The following RBFOX1 variants were observed in gnomAD, a reference collection of about 807,000 sequenced individuals.
RBFOX1 encodes the protein RNA binding protein fox-1 homolog 1.
RBFOX1 carries 8 observed loss-of-function variants against 57.7 expected under a neutral mutation model. That is an observed-to-expected ratio of 0.14 (90% CI 0.08 to 0.25). The LOEUF is 0.25. Among genes scored for constraint, RBFOX1 ranks in the 10% least tolerant of loss-of-function variants. RBFOX1 has a pLI of 1.00. For synonymous variants in RBFOX1, 326 were observed against 222.4 expected, an observed-to-expected ratio of 1.47 and a Z score of -4.15; for missense variants, 611 against 548.5, an observed-to-expected ratio of 1.11 and a Z score of -1.14.
At chr16:5,351,101 C>G (rs2065252900) in intron 1 of RBFOX1, among the ~76,000 whole-genome samples, 1 of 152,146 alleles carries the variant, frequency 6.6e-6, no homozygotes, top group Non-Finnish European at 1.5e-5. Context: ...TAGGTCTAAG[C>G]CTTGTTAAGG....
chr16:6,181,956 G>A (rs1431182322), intron 1 of RBFOX1, among the ~76,000 whole-genome samples: 4 of 152,054 alleles, frequency 2.6e-5, no homozygotes, highest in Admixed American at 6.6e-5. Flanking sequence ...TGGCAATTAC[G>A]GAGGATGTTT....
At chr16:6,609,736 A>G (rs1032946187) in intron 2 of RBFOX1, among the ~76,000 whole-genome samples, 5 of 152,170 alleles carry the variant, frequency 3.3e-5, no homozygotes, top group African/African-American at 7.2e-5. Context: ...TGGGTCAGGC[A>G]TGGTGAATCA....
At chr16:6,291,619 C>G (rs906892532) in intron 1 of RBFOX1, among the ~76,000 whole-genome samples, 4 of 152,186 alleles carry the variant, frequency 2.6e-5, no homozygotes, top group Non-Finnish European at 5.9e-5. Flanking sequence ...CCGCCTGAGG[C>G]AAATGCATAT....
chr16:6,801,071 C>G (rs2085320102), intron 3 of RBFOX1, among the ~76,000 whole-genome samples: 1 of 151,850 alleles, frequency 6.6e-6, no homozygotes, highest in Non-Finnish European at 1.5e-5. Flanking sequence ...AGACGGAGGA[C>G]TTGTTAAAAG....
At chr16:6,056,842 C>CTTTTTTTT (rs61605263) in intron 1 of RBFOX1, 28 of 148,628 alleles carry the variant, frequency 1.9e-4, no homozygotes, top group Non-Finnish European at 2.1e-4. Flanking sequence ...AGACTTAAGA[C>CTTTTTTTT]TTTTTTTTTT....
At chr16:7,135,722 A>G (rs1042771583) in intron 4 of RBFOX1, among the ~76,000 whole-genome samples, 10 of 152,242 alleles carry the variant, frequency 6.6e-5, no homozygotes, top group East Asian at 1.9e-4. Flanking sequence ...AATTTTACCA[A>G]TTTAACCCTG....
intron 2 of RBFOX1, among the ~76,000 whole-genome samples, chr16:5,511,903 A>C (rs2043606345): frequency 6.6e-6 from 1 of 152,236 alleles, no homozygotes; most frequent in Non-Finnish European, 1.5e-5. Flanking sequence ...ATAAAGTACC[A>C]GATATTAAAG....
chr16:7,350,694 C>G (rs867930696), intron 4 of RBFOX1, among the ~76,000 whole-genome samples: 1 of 152,178 alleles, frequency 6.6e-6, no homozygotes. Context: ...ATATTTCATG[C>G]TGCCATTTCT....
intron 4 of RBFOX1, among the ~76,000 whole-genome samples, chr16:7,182,896 C>G (rs191457132): frequency 6.6e-6 from 1 of 152,172 alleles, no homozygotes; most frequent in African/African-American, 2.4e-5. Flanking sequence ...TCCCTGTTCA[C>G]AACAATTACA....
intron 3 of RBFOX1, among the ~76,000 whole-genome samples, chr16:6,713,840 T>C (rs1423561128): frequency 6.6e-6 from 1 of 152,272 alleles, no homozygotes; most frequent in East Asian, 1.9e-4. Flanking sequence ...AGTAGGGTGA[T>C]GGCAAGATCC....
intron 2 of RBFOX1, among the ~76,000 whole-genome samples, chr16:6,522,030 T>G (rs2032296728): frequency 6.6e-6 from 1 of 152,172 alleles, no homozygotes; most frequent in Admixed American, 6.5e-5. Flanking sequence ...TGTTTTCTAA[T>G]GAAAGTGTTA....
chr16:6,151,407 T>A (rs1440790010), intron 1 of RBFOX1, among the ~76,000 whole-genome samples: 5 of 152,162 alleles, frequency 3.3e-5, no homozygotes, highest in Non-Finnish European at 7.4e-5. Flanking sequence ...TGCCTCAGCC[T>A]CCCAAGTAGC....
intron 3 of RBFOX1, among the ~76,000 whole-genome samples, chr16:5,780,606 CCT>C (rs2054295189): frequency 3.3e-5 from 5 of 151,762 alleles, no homozygotes; most frequent in East Asian, 2.0e-4. Flanking sequence ...TGTTGAATTT[CCT>C]GGGGAGACAG....
intron 3 of RBFOX1, among the ~76,000 whole-genome samples, chr16:6,940,791 TG>T (rs1401372229): frequency 3.2e-5 from 4 of 123,794 alleles, no homozygotes; most frequent in Non-Finnish European, 7.4e-5. Context: ...TGTGTGTGTG[TG>T]TGTGTGTGTG....
chr16:7,116,788 G>C (rs1483658409), intron 4 of RBFOX1, among the ~76,000 whole-genome samples: 18 of 152,106 alleles, frequency 1.2e-4, no homozygotes, highest in Admixed American at 1.0e-3. Flanking sequence ...TTGATGCCAG[G>C]CATGGTGCTA....
At chr16:6,413,477 A>G (rs917642) in intron 2 of RBFOX1, among the ~76,000 whole-genome samples, 64,532 of 151,948 alleles carry the variant, frequency 0.42, 14,566 homozygotes, top group Non-Finnish European at 0.49. Flanking sequence ...ATTTATTTTT[A>G]ATAGATAATG....
chr16:6,336,664 T>C (rs1244348201), intron 2 of RBFOX1, among the ~76,000 whole-genome samples: 1 of 152,104 alleles, frequency 6.6e-6, no homozygotes, highest in Non-Finnish European at 1.5e-5. Flanking sequence ...TCTCCTCATC[T>C]CTGAAAGCCA....
intron 3 of RBFOX1, among the ~76,000 whole-genome samples, chr16:5,736,387 A>G (rs920277323): frequency 5.9e-5 from 9 of 152,120 alleles, no homozygotes; most frequent in African/African-American, 2.2e-4. Flanking sequence ...GCACCCGAGT[A>G]GCACTGGGTG....
At chr16:7,504,891 A>G (rs2072697840) in intron 4 of RBFOX1, among the ~76,000 whole-genome samples, 1 of 145,926 alleles carries the variant, frequency 6.9e-6, no homozygotes, top group Non-Finnish European at 1.5e-5. Flanking sequence ...GTTTGTATTA[A>G]TAACAGGCAA....
Sources: allele counts gnomAD v4.1 joint callset (sites outside exome capture counted in the v4.1 genomes callset), GRCh38; gene constraint gnomAD v4.1.1; transcripts MANE v1.5; gene names NCBI Gene and HGNC (gene_info 2026-07-23, HGNC 2026-07-21).